The following TTN variants were observed in gnomAD, a reference collection of about 807,000 sequenced individuals.
The protein encoded by TTN is titin.
In TTN, 1,525 loss-of-function variants were observed where a neutral mutation model predicts 3,223.0. That is an observed-to-expected ratio of 0.47 (90% confidence interval 0.45 to 0.49). TTN has a LOEUF of 0.49. TTN is among the 20% of genes least tolerant of loss of function. The pLI, the probability that TTN is intolerant of heterozygous loss-of-function variation, is 0.00. For synonymous variants in TTN, 14,094 were observed against 15,161.0 expected, an observed-to-expected ratio of 0.93 and a Z score of 5.17; for missense variants, 40,786 against 43,424.0, an observed-to-expected ratio of 0.94 and a Z score of 5.40.
Position 178,713,375 on chromosome 2 carries a change from G to A in TTN, c.26762-3C>T. ...GAATGAAGGAGGAACGGTTCGGTCT[G>A]AATGATACAAAACAAAACAAAACAA... On this transcript the variant is annotated splice_polypyrimidine_tract_variant and splice_region_variant and intron_variant, in intron 92 of 362. Transcript: ENST00000589042. 6.9e-7 allele frequency: 1 copy of A among 1,445,588 alleles called. No individual in the cohort carries two copies. Among genetic ancestry groups the A allele is most frequent in the Non-Finnish European group, 9.1e-7 (1 of 1,101,340 alleles). The allele number at this position is 1,445,588 out of a possible 1,614,324, so 89.5% of individuals were successfully genotyped here.
intron 71 of TTN, 168 bp from the exon 72 acceptor site, chr2:178,724,706 T>C (rs1409529138): frequency 1.7e-6 from 1 of 599,046 alleles, no homozygotes; most frequent in African/African-American, 1.9e-5. Flanking sequence ...GAATTATAGC[T>C]ATTTTTTATT....
At position 178,730,916 on chromosome 2, in the gene TTN, A is replaced by G; in HGVS notation, c.17740+9T>C. 6.3e-7 allele frequency: 1 copy of G among 1,582,266 alleles called. No individual in the cohort carries two copies. The highest frequency in any genetic ancestry group is 8.6e-7 in the Non-Finnish European group (1 of 1,163,522). On this transcript the variant is annotated intron_variant, in intron 60 of 362. Coordinates refer to ENST00000589042, the MANE Select transcript of TTN (RefSeq NM_001267550.2). Reference sequence around the variant, plus strand: ...TGCCCAATCCTCTCTGTAGAAGAACAATACCAACCTAATACATTAATTCTA... The same window carrying G: ...TGCCCAATCCTCTCTGTAGAAGAACGATACCAACCTAATACATTAATTCTA...
intron 157 of TTN, 76 bp from the exon 158 acceptor site, chr2:178,669,751 A>T: frequency 7.0e-7 from 1 of 1,438,786 alleles, no homozygotes; most frequent in East Asian, 2.3e-5. Context: ...TAGAAGGGGC[A>T]TCTAACAAGA....
chr2:178,798,511 G>C (rs901614734), intron 6 of TTN: 17 of 151,884 alleles, frequency 1.1e-4, no homozygotes, highest in Admixed American at 1.3e-4. Flanking sequence ...ATATTTAAAA[G>C]GTTTTACTTA....
In TTN at chr2:178,541,541, G is replaced by A. The variant is rs1368383604; in HGVS notation, c.97536C>T (p.Ser32512=). The A allele has an allele frequency of 1.9e-6, 3 of 1,612,270 alleles. No homozygotes were observed. The highest frequency in any genetic ancestry group is 2.5e-6 in the Non-Finnish European group (3 of 1,178,980). ...PPETLQIFDV[S]RDGMTLTWYP... is the part of the protein sequence containing the mutation. Reference sequence around the variant, plus strand: ...ACCAAGTAAGTGTCATGCCATCACGGGAAACATCAAATATCTGTAATGTTT... The same window carrying A: ...ACCAAGTAAGTGTCATGCCATCACGAGAAACATCAAATATCTGTAATGTTT... Residue 32512 remains serine (S), a synonymous_variant, in exon 350 of 363, where the codon TCC becomes TCT. Transcript: ENST00000589042.
Position 178,686,807 on chromosome 2 carries a change from A to G in TTN, c.32312-1209T>C, listed in dbSNP as rs1473343545. On this transcript the variant is annotated intron_variant, in intron 127 of 362. Coordinates refer to ENST00000589042, the MANE Select transcript of TTN (RefSeq NM_001267550.2). ...AACAAGCCACCCATCTTTGGGGCAT[A>G]ATGAGAACATAAAAATAATCACAGT... 2.6e-5 allele frequency among the ~76,000 whole-genome samples: 4 copies of G among 152,260 alleles called. No individual in the cohort carries two copies. In the East Asian group the frequency reaches 7.7e-4, roughly 29 times the overall value.
At position 178,547,585 on chromosome 2, in the gene TTN, T is replaced by C; in HGVS notation, c.94041A>G (p.Glu31347=). Residue 31347 remains glutamate, a synonymous_variant, in exon 339 of 363, where the codon GAA becomes GAG. Transcript: ENST00000589042. The stretch of plus-strand genomic sequence containing the variant: ...AAGCTGTTGTACCCGATTCACGCTT[T>C]TCAACTATGTAATTAGTAATTTCAG... ...GGTEITNYIV[E]KRESGTTAWQ... is the part of the protein sequence containing the mutation. 6.2e-7 allele frequency: 1 copy of C among 1,613,894 alleles called. No individual in the cohort carries two copies. Among genetic ancestry groups the C allele is most frequent in the Non-Finnish European group, 8.5e-7 (1 of 1,179,822 alleles).
chr2:178,625,505 A>G (rs961000764), intron 240 of TTN, 109 bp from the exon 241 acceptor site: 50 of 1,301,786 alleles, frequency 3.8e-5, no homozygotes, highest in South Asian at 3.1e-4. Context: ...GTTGTTTTAT[A>G]ATCATCTATT....
At position 178,706,504 on chromosome 2, in the gene TTN, T is replaced by A. The variant is rs775325497; in HGVS notation, c.29370A>T (p.Glu9790Asp). ...CTTCAATTTTCTCTTGTTTCTTCCT[T>A]TCATCCACCTGTAAGTTAACATTAC... Reference protein sequence around the residue: ...IESNVNLQVDERKKQEKIEGD... With the variant: ...IESNVNLQVDDRKKQEKIEGD... Residue 9790 changes from glutamate (E) to aspartate (D), a missense_variant, in exon 102 of 363, where the codon GAA becomes GAT. Physicochemically the swap from Glu to Asp is conservative, Grantham distance 45. Coordinates refer to ENST00000589042, the MANE Select transcript of TTN (RefSeq NM_001267550.2). 1.2e-6 allele frequency: 2 copies of A among 1,613,774 alleles called. No homozygotes were observed. The highest frequency in any genetic ancestry group is 2.7e-5 in the African/African-American group (2 of 74,936).
chr2:178,555,156 C>T lies in TTN; in HGVS notation c.88307-4G>A, dbSNP rs1172705555. On this transcript the variant is annotated splice_polypyrimidine_tract_variant and splice_region_variant and intron_variant, in intron 330 of 362. Coordinates refer to ENST00000589042, the MANE Select transcript of TTN (RefSeq NM_001267550.2). ...GGCAAATCAATTACAGGACCACCTG[C>T]AAGAAAAACAGATGAGAAATATTTA... The T allele has an allele frequency of 3.8e-6, 6 of 1,592,420 alleles. No homozygotes were observed. Among genetic ancestry groups the T allele is most frequent in the Non-Finnish European group, 5.1e-6 (6 of 1,174,216 alleles).
intron 79 of TTN, 42 bp from the exon 80 acceptor site, chr2:178,720,705 C>A (rs1185387609): frequency 6.6e-7 from 1 of 1,512,602 alleles, no homozygotes; most frequent in Non-Finnish European, 8.8e-7. Context: ...CACTTGCTTA[C>A]TATAAAGGAA....
chr2:178,773,017 G>T, intron 33 of TTN, 92 bp downstream of exon 33: 1 of 1,550,658 alleles, frequency 6.4e-7, no homozygotes, highest in East Asian at 2.3e-5. Context: ...CATGGAAGTG[G>T]GAAACTGAAA....
Position 178,741,714 on chromosome 2 carries a change from G to A in TTN, c.11519C>T (p.Ser3840Phe). The change falls in exon 48 of 363, where the codon TCT (serine) becomes TTT (phenylalanine). Residue 3840 changes from serine (S) to phenylalanine (F), a missense_variant. By Grantham distance (155) the Ser-to-Phe change is radical (BLOSUM62 -2). Coordinates refer to ENST00000589042, the MANE Select transcript of TTN (RefSeq NM_001267550.2). The part of the protein sequence containing the change: ...DISMGDVATL[S>F]VTVIGIPKPK... The stretch of plus-strand genomic sequence containing the variant: ...TTTGGGGATGCCAATGACAGTTACA[G>A]ACAGTGTAGCCACATCCCCCATGCT... The A allele has an allele frequency of 6.2e-7, 1 of 1,613,702 alleles. No individual in the cohort carries two copies. Among genetic ancestry groups the A allele is most frequent in the Non-Finnish European group, 8.5e-7 (1 of 1,179,728 alleles).
At chr2:178,749,821 A>T (rs2084879456) in intron 47 of TTN, 2 of 1,613,194 alleles carry the variant, frequency 1.2e-6, no homozygotes, top group Non-Finnish European at 1.7e-6. Flanking sequence ...CTCCATTTTG[A>T]AACCATGTTA....
At position 178,732,231 on chromosome 2, in the gene TTN, T is replaced by C. The variant is rs376598696; in HGVS notation, c.16738A>G (p.Asn5580Asp). The C allele has an allele frequency of 4.3e-6, 7 of 1,613,704 alleles. No individual in the cohort carries two copies. In the African/African-American group the frequency reaches 9.3e-5, roughly 22 times the overall value. The change falls in exon 57 of 363, where the codon AAT (asparagine) becomes GAT (aspartate). Residue 5580 changes from asparagine (N) to aspartate (D), a missense_variant. Asn to Asp is a conservative substitution (Grantham distance 23, BLOSUM62 1). Transcript: ENST00000589042. ...CTGCTCTCCTTAATTTCTCTATCAT[T>C]TGCAAACCATGTTATTTTAATTGGA... ...TPPIKITWFANDREIKESSKH... is the reference protein window; with the variant it reads ...TPPIKITWFADDREIKESSKH...
intron 222 of TTN, 113 bp from the exon 223 acceptor site, chr2:178,639,901 TTTAA>T: frequency 1.1e-5 from 15 of 1,425,030 alleles, no homozygotes; most frequent in Non-Finnish European, 1.4e-5. Flanking sequence ...ATAACTAGTT[TTTAA>T]GAGAATAGTA....
rs1234295408 is a variant in TTN at position 178,776,613 on chromosome 2, G to A, written c.5251C>T (p.Leu1751Phe). 1 of 1,613,926 alleles carries A rather than the reference G, an allele frequency of 6.2e-7. No homozygotes were observed. The highest frequency in any genetic ancestry group is 1.3e-5 in the African/African-American group (1 of 74,914). Residue 1751 changes from leucine to phenylalanine, a missense_variant, in exon 28 of 363, where the codon CTC (leucine) becomes TTC (phenylalanine). Coordinates refer to ENST00000589042, the MANE Select transcript of TTN (RefSeq NM_001267550.2). Reference sequence around the variant, plus strand: ...TACCCAAATTCATTGATCATACGGAGCCTGTTGGCTGCTTCAAGTGGCTTT... The same window carrying A: ...TACCCAAATTCATTGATCATACGGAACCTGTTGGCTGCTTCAAGTGGCTTT... ...DGKPLEAANR[L>F]RMINEFGYCS...
In TTN at chr2:178,599,772, C is replaced by A. The variant is rs748172946; in HGVS notation, c.56129G>T (p.Gly18710Val). Residue 18710 changes from glycine to valine, a missense_variant, in exon 289 of 363, where the codon GGT becomes GTT. By Grantham distance (109) the Gly-to-Val change is moderately radical. Transcript: ENST00000589042. ...CCAGGTTAGTGTCGGGAATGGCACA[C>A]CTTTAATTTTGGCCACAATGTTAAC... ...TNVNIVAKIK[G>V]VPFPTLTWFK... is the part of the protein sequence containing the mutation. 6.2e-7 allele frequency: 1 copy of A among 1,611,404 alleles called. No individual in the cohort carries two copies. Among genetic ancestry groups the A allele is most frequent in the Non-Finnish European group, 8.5e-7 (1 of 1,178,838 alleles).
chr2:178,720,157 G>A lies in TTN; in HGVS notation c.23485C>T (p.Leu7829=). ...CTGATGACTTCACCTCTATCTTTCA[G>A]CCAGACAACAGAAATTGGCTGGAAG... ...EGFQPISVVW[L]KDRGEVIRES... Residue 7829 remains leucine (L), a synonymous_variant, in exon 81 of 363, where the codon CTG becomes TTG. Transcript: ENST00000589042. 1.9e-6 allele frequency: 3 copies of A among 1,613,716 alleles called. No individual in the cohort carries two copies. Among genetic ancestry groups the A allele is most frequent in the Non-Finnish European group, 2.5e-6 (3 of 1,179,726 alleles).
Sources: allele counts gnomAD v4.1 joint callset (sites outside exome capture counted in the v4.1 genomes callset), GRCh38; gene constraint gnomAD v4.1.1; transcripts MANE v1.5; gene names NCBI Gene and HGNC (gene_info 2026-07-23, HGNC 2026-07-21).